The following MALRD1 variants were observed in gnomAD, a reference collection of about 807,000 sequenced individuals.
MALRD1 encodes the protein MAM and LDL-receptor class A domain-containing protein 1.
A neutral mutation model predicts 242.1 loss-of-function variants in MALRD1; 247 were observed. That is an observed-to-expected ratio of 1.02 (90% CI 0.92 to 1.13). MALRD1 has a LOEUF of 1.13. Ranked by LOEUF, MALRD1 falls within the 50% of genes most tolerant of loss-of-function variation. The pLI is 0.00. For synonymous variants in MALRD1, 995 were observed against 866.6 expected (o/e 1.15, Z -2.60); for missense variants, 2,989 against 2,533.1 (o/e 1.18, Z -3.86).
At chr10:19,575,440 C>T (rs1836763694) in intron 33 of MALRD1, among the ~76,000 whole-genome samples, 1 of 151,864 alleles carries the variant, frequency 6.6e-6, no homozygotes, top group Non-Finnish European at 1.5e-5. Context: ...ACAGCACCAC[C>T]TCCCTCCCAG....
intron 18 of MALRD1, among the ~76,000 whole-genome samples, chr10:19,224,953 G>T (rs775880050): frequency 2.6e-5 from 4 of 152,146 alleles, no homozygotes; most frequent in African/African-American, 4.8e-5. Context: ...TTTTCTTCTA[G>T]AGTTTTTATG....
intron 28 of MALRD1, among the ~76,000 whole-genome samples, chr10:19,430,896 G>A (rs866407856): frequency 1.2e-4 from 18 of 152,038 alleles, no homozygotes; most frequent in African/African-American, 3.4e-4. Context: ...CAAATAGAAG[G>A]GTGCCTAATG....
At chr10:19,393,421 A>G (rs1204906980) in intron 28 of MALRD1, among the ~76,000 whole-genome samples, 1 of 149,954 alleles carries the variant, frequency 6.7e-6, no homozygotes, top group African/African-American at 2.5e-5. Flanking sequence ...TTTTCTAGTC[A>G]CTTGTTTCCT....
intron 18 of MALRD1, among the ~76,000 whole-genome samples, chr10:19,241,910 C>A (rs1311760749): frequency 1.3e-5 from 2 of 152,080 alleles, no homozygotes; most frequent in Non-Finnish European, 2.9e-5. Context: ...TCACTGTAAT[C>A]AGAAAAGATA....
intron 1 of MALRD1, among the ~76,000 whole-genome samples, chr10:19,066,365 G>A (rs1263433800): frequency 6.6e-6 from 1 of 152,122 alleles, no homozygotes; most frequent in East Asian, 1.9e-4. Context: ...GAGAGACACA[G>A]GACAGGATGT....
intron 31 of MALRD1, among the ~76,000 whole-genome samples, chr10:19,510,772 C>T (rs960475837): frequency 2.8e-5 from 4 of 143,000 alleles, no homozygotes; most frequent in African/African-American, 1.0e-4. Flanking sequence ...ATATTGTTTA[C>T]TCCATAGCAG....
intron 2 of MALRD1, among the ~76,000 whole-genome samples, chr10:19,079,213 C>A (rs1835407576): frequency 6.6e-6 from 1 of 151,624 alleles, no homozygotes; most frequent in Non-Finnish European, 1.5e-5. Flanking sequence ...TATTTTCTAA[C>A]ATCTCTTGTG....
chr10:19,131,911 T>C (rs1339023711), intron 8 of MALRD1, among the ~76,000 whole-genome samples: 2 of 152,174 alleles, frequency 1.3e-5, no homozygotes, highest in Non-Finnish European at 2.9e-5. Context: ...GAAAAGTAAC[T>C]AGAAAGTGGA....
chr10:19,118,868 G>A (rs1263970489), intron 5 of MALRD1, among the ~76,000 whole-genome samples: 1 of 152,156 alleles, frequency 6.6e-6, no homozygotes, highest in Non-Finnish European at 1.5e-5. Context: ...TATGAGGAAG[G>A]TCATAGTAAG....
intron 38 of MALRD1, chr10:19,722,341 G>A (rs1834798282): frequency 6.6e-6 from 1 of 152,012 alleles, no homozygotes; most frequent in Non-Finnish European, 1.5e-5. Flanking sequence ...TGTAATTCCA[G>A]TACGTTCAGA....
chr10:19,171,711 C>CACACACATATGTCTATGTGT (rs1564440669), intron 13 of MALRD1, among the ~76,000 whole-genome samples: 5 of 134,016 alleles, frequency 3.7e-5, no homozygotes, highest in South Asian at 4.6e-4. Flanking sequence ...TGTATATATA[C>CACACACATATGTCTATGTGT]GTATATACAC....
At chr10:19,205,382 G>A in intron 17 of MALRD1, 117 bp downstream of exon 17, 1 of 1,216,712 alleles carries the variant, frequency 8.2e-7, no homozygotes, top group Non-Finnish European at 1.1e-6. Context: ...CAAAGCTGAT[G>A]AATGTTATGT....
chr10:19,577,349 A>G (rs1270837945), intron 33 of MALRD1, among the ~76,000 whole-genome samples: 1 of 152,166 alleles, frequency 6.6e-6, no homozygotes, highest in Non-Finnish European at 1.5e-5. Context: ...TGCTCCTAGA[A>G]GGGATATTAG....
intron 34 of MALRD1, among the ~76,000 whole-genome samples, chr10:19,597,852 C>T (rs1473635894): frequency 6.6e-6 from 1 of 152,142 alleles, no homozygotes; most frequent in East Asian, 1.9e-4. Context: ...CACAGCCAAA[C>T]TTGGAAAGAC....
chr10:19,109,088 T>C (rs1395468460), intron 5 of MALRD1, among the ~76,000 whole-genome samples: 1 of 152,148 alleles, frequency 6.6e-6, no homozygotes, highest in African/African-American at 2.4e-5. Flanking sequence ...TTGGGCACAG[T>C]AGTGTAGTCT....
intron 27 of MALRD1, among the ~76,000 whole-genome samples, chr10:19,388,032 C>T (rs1466032888): frequency 6.6e-6 from 1 of 152,114 alleles, no homozygotes; most frequent in East Asian, 1.9e-4. Flanking sequence ...ATGGTGATTC[C>T]TTCTGAGGGT....
At chr10:19,116,483 C>G (rs2131365768) in intron 5 of MALRD1, among the ~76,000 whole-genome samples, 1 of 152,246 alleles carries the variant, frequency 6.6e-6, no homozygotes, top group South Asian at 2.1e-4. Context: ...AAATCCACTA[C>G]AAATAAGGAT....
rs559145001 is a variant in MALRD1, at chr10:19,205,846, T to G, written c.2578+581T>G. Among the ~76,000 whole-genome samples the G allele has an allele frequency of 1.4e-4, 21 of 151,638 alleles. No homozygotes were observed. In the East Asian group the frequency reaches 1.6e-3, roughly 11 times the overall value. ...AGTACATAGTAGTACAATTTGAACCTAGCTCCAGAATTGCCCTCTGCACTT... is the reference window on the plus strand; with the variant it reads ...AGTACATAGTAGTACAATTTGAACCGAGCTCCAGAATTGCCCTCTGCACTT... On this transcript the variant is annotated intron_variant, in intron 17 of 39. Transcript: ENST00000454679.
chr10:19,223,678 C>G (rs117254472), intron 18 of MALRD1, among the ~76,000 whole-genome samples: 20 of 152,088 alleles, frequency 1.3e-4, no homozygotes, highest in African/African-American at 4.6e-4. Flanking sequence ...AGTATTTCTC[C>G]TAATGCTATC....
Sources: allele counts gnomAD v4.1 joint callset (sites outside exome capture counted in the v4.1 genomes callset), GRCh38; gene constraint gnomAD v4.1.1; transcripts MANE v1.5; gene names NCBI Gene and HGNC (gene_info 2026-07-23, HGNC 2026-07-21).